Variants in EHMT1 observed in about 807,000 individuals in gnomAD.
EHMT1 encodes histone-lysine N-methyltransferase EHMT1.
In EHMT1, 15 loss-of-function variants were observed where a neutral mutation model predicts 147.2. The observed-to-expected ratio is 0.10, with a 90% confidence interval of 0.07 to 0.16. The LOEUF is 0.16. EHMT1 is among the 10% of genes least tolerant of loss of function. The probability of loss-of-function intolerance (pLI) is 1.00; values close to 1 mark genes in which losing one functional copy is unlikely to be tolerated. For missense variants in EHMT1, 1,587 were observed against 1,772.4 expected (o/e 0.90, Z 1.88); for synonymous variants, 795 against 709.6 (o/e 1.12, Z -1.91).
At chr9:137,771,485 A>G (rs140121539) in intron 10 of EHMT1, among the ~76,000 whole-genome samples, 47 of 152,192 alleles carry the variant, frequency 3.1e-4, no homozygotes, top group African/African-American at 1.0e-3. Flanking sequence ...GCGCCCTGCT[A>G]TCTCCCATGT....
chr9:137,739,281 A>G (rs1947840517), intron 4 of EHMT1, among the ~76,000 whole-genome samples: 1 of 151,474 alleles, frequency 6.6e-6, no homozygotes, highest in African/African-American at 2.4e-5. Context: ...GCGTGAACCC[A>G]GGAGGCGGAG....
At chr9:137,764,108 C>T (rs1950051005) in intron 10 of EHMT1, 1 of 152,434 alleles carries the variant, frequency 6.6e-6, no homozygotes, top group African/African-American at 2.4e-5. Flanking sequence ...GGTTCGCCTC[C>T]TCTTCTCCTT....
chr9:137,692,164 C>T (rs767002457), intron 1 of EHMT1, among the ~76,000 whole-genome samples: 18 of 152,232 alleles, frequency 1.2e-4, no homozygotes, highest in Non-Finnish European at 1.6e-4. Flanking sequence ...GGGGCTCCTT[C>T]AGCGCTGATG....
intron 16 of EHMT1, among the ~76,000 whole-genome samples, chr9:137,791,292 G>A (rs1465469440): frequency 6.6e-6 from 1 of 152,112 alleles, no homozygotes. Flanking sequence ...GAAATCAAAG[G>A]CGTTCACATT....
At chr9:137,737,099 G>C (rs1375658706) in intron 4 of EHMT1, among the ~76,000 whole-genome samples, 2 of 152,088 alleles carry the variant, frequency 1.3e-5, no homozygotes, top group African/African-American at 4.8e-5. Flanking sequence ...AGCTACTCCA[G>C]AGCCCCAGAG....
chr9:137,626,990 C>T (rs1441873557), intron 1 of EHMT1, among the ~76,000 whole-genome samples: 1 of 151,704 alleles, frequency 6.6e-6, no homozygotes, highest in Non-Finnish European at 1.5e-5. Context: ...CGGAGTCTCG[C>T]TTTGTTGCCT....
At chr9:137,770,905 T>A (rs768597771) in intron 10 of EHMT1, among the ~76,000 whole-genome samples, 4 of 152,212 alleles carry the variant, frequency 2.6e-5, no homozygotes, top group Non-Finnish European at 4.4e-5. Context: ...TTTGTTTGTT[T>A]TCCTTAGAGC....
At chr9:137,714,817 G>A (rs545120732) in intron 2 of EHMT1, among the ~76,000 whole-genome samples, 1 of 152,126 alleles carries the variant, frequency 6.6e-6, no homozygotes, top group East Asian at 1.9e-4. Flanking sequence ...CCAAAGTGCT[G>A]GGATTACAGG....
At chr9:137,709,063 CT>C (rs1383994458) in intron 1 of EHMT1, among the ~76,000 whole-genome samples, 8 of 152,228 alleles carry the variant, frequency 5.3e-5, no homozygotes, top group Non-Finnish European at 1.2e-4. Context: ...CTGGAGTACA[CT>C]TCGGTGTCCT....
At chr9:137,795,419 A>ACACACACACACACAC (rs1952834516) in intron 16 of EHMT1, among the ~76,000 whole-genome samples, 1 of 18,730 alleles carries the variant, frequency 5.3e-5, no homozygotes, top group African/African-American at 1.6e-4. Context: ...ACACACACAC[A>ACACACACACACACAC]CACACACACT....
chr9:137,772,840 CT>C (rs1229022743), intron 10 of EHMT1, among the ~76,000 whole-genome samples: 2 of 152,206 alleles, frequency 1.3e-5, no homozygotes, highest in Non-Finnish European at 2.9e-5. Flanking sequence ...TTTTTCCCAC[CT>C]TGTTAAAGGA....
chr9:137,633,695 G>A (rs994930553), intron 1 of EHMT1, among the ~76,000 whole-genome samples: 5 of 151,408 alleles, frequency 3.3e-5, no homozygotes, highest in Non-Finnish European at 4.4e-5. Context: ...AGATCATTCC[G>A]TCACCCCAAA....
Position 137,717,086 on chromosome 9 carries a change from G to T in EHMT1, c.546G>T (p.Gly182=), listed in dbSNP as rs767742300. The T allele has an allele frequency of 1.9e-6, 3 of 1,611,598 alleles. No individual in the cohort carries two copies. Among genetic ancestry groups the T allele is most frequent in the Non-Finnish European group, 2.5e-6 (3 of 1,179,096 alleles). ...CCCCACCAGCCACCCTTGGGGAGGG[G>T]AGTGCTGACACAGAGGACAGGAAGC... ...PAAPPATLGE[G]SADTEDRKLP... The change falls in exon 3 of 27, where the codon GGG becomes GGT. Residue 182 remains glycine, a synonymous_variant. Coordinates refer to ENST00000460843, the MANE Select transcript of EHMT1 (RefSeq NM_024757.5).
At chr9:137,825,845 T>TCCC (rs1955776523) in intron 25 of EHMT1, among the ~76,000 whole-genome samples, 1 of 152,156 alleles carries the variant, frequency 6.6e-6, no homozygotes, top group South Asian at 2.1e-4. Context: ...CCGGCGGGGC[T>TCCC]GCCCAGTGTC....
At chr9:137,741,279 G>A (rs566243298) in intron 4 of EHMT1, among the ~76,000 whole-genome samples, 22 of 152,134 alleles carry the variant, frequency 1.4e-4, no homozygotes, top group Admixed American at 1.2e-3. Flanking sequence ...GCGCCCGGCC[G>A]ACATGATTCT....
intron 18 of EHMT1, chr9:137,802,589 G>T (rs1026437510): frequency 1.3e-5 from 5 of 398,934 alleles, no homozygotes; most frequent in Middle Eastern, 6.2e-4. Context: ...GCTTGAGAAC[G>T]GCGTGGGCAC....
chr9:137,760,711 G>T (rs1949736163), intron 9 of EHMT1, among the ~76,000 whole-genome samples: 1 of 152,206 alleles, frequency 6.6e-6, no homozygotes, highest in African/African-American at 2.4e-5. Flanking sequence ...ATGGGTGTTG[G>T]TAAAAGATGC....
chr9:137,831,316 C>G (rs961325172), intron 25 of EHMT1, among the ~76,000 whole-genome samples: 2 of 152,014 alleles, frequency 1.3e-5, no homozygotes, highest in African/African-American at 4.8e-5. Flanking sequence ...AGATAGTGCA[C>G]GAGCCCTTAC....
At chr9:137,635,756 C>G (rs886986241) in intron 1 of EHMT1, among the ~76,000 whole-genome samples, 9 of 150,442 alleles carry the variant, frequency 6.0e-5, no homozygotes, top group Admixed American at 2.7e-4. Flanking sequence ...GGAGGCGGAG[C>G]TTGCAGTGAG....
Sources: allele counts gnomAD v4.1 joint callset (sites outside exome capture counted in the v4.1 genomes callset), GRCh38; gene constraint gnomAD v4.1.1; transcripts MANE v1.5; gene names NCBI Gene and HGNC (gene_info 2026-07-23, HGNC 2026-07-21).